Variants in THSD7A observed in about 807,000 individuals in gnomAD.
The protein encoded by THSD7A is thrombospondin type 1 domain containing 7A, also known as thrombospondin type-1 domain-containing protein 7A.
In THSD7A, 96 loss-of-function variants were observed where a neutral mutation model predicts 231.3. The ratio of observed to expected loss-of-function variants is 0.41; its 90% CI spans 0.35 to 0.49. THSD7A has a LOEUF of 0.49. Ranked by LOEUF, THSD7A falls within the 20% of genes least tolerant of loss-of-function variation. THSD7A has a pLI of 0.05. For synonymous variants in THSD7A, 940 were observed against 743.3 expected, an observed-to-expected ratio of 1.26 and a Z score of -4.30; for missense variants, 2,290 against 2,070.2, an observed-to-expected ratio of 1.11 and a Z score of -2.06.
intron 11 of THSD7A, among the ~76,000 whole-genome samples, chr7:11,453,714 C>T (rs1367474927): frequency 1.3e-5 from 2 of 151,982 alleles, no homozygotes; most frequent in East Asian, 1.9e-4. Flanking sequence ...TGTGATATGT[C>T]TACCTTGAAT....
At chr7:11,503,865 C>G (rs532042110) in intron 6 of THSD7A, among the ~76,000 whole-genome samples, 7 of 152,148 alleles carry the variant, frequency 4.6e-5, no homozygotes, top group African/African-American at 1.7e-4. Flanking sequence ...TTGGTAGAAG[C>G]GTAAATTAGT....
intron 1 of THSD7A, among the ~76,000 whole-genome samples, chr7:11,648,814 T>A (rs1478426909): frequency 6.6e-6 from 1 of 152,000 alleles, no homozygotes; most frequent in Non-Finnish European, 1.5e-5. Context: ...CTATCTGAAA[T>A]ATATCTTATG....
intron 1 of THSD7A, among the ~76,000 whole-genome samples, chr7:11,668,459 GAA>G (rs1783237345): frequency 5.2e-5 from 2 of 38,108 alleles, no homozygotes; most frequent in Admixed American, 3.0e-4. Context: ...GAGAGAGAGA[GAA>G]AGAAAGAAAA....
intron 1 of THSD7A, among the ~76,000 whole-genome samples, chr7:11,765,490 C>A (rs766179506): frequency 6.6e-6 from 1 of 152,092 alleles, no homozygotes; most frequent in Non-Finnish European, 1.5e-5. Context: ...ATGTTTCCTT[C>A]CTTGGAAGTT....
intron 6 of THSD7A, among the ~76,000 whole-genome samples, chr7:11,533,002 T>C (rs998101025): frequency 1.3e-5 from 2 of 152,274 alleles, no homozygotes; most frequent in East Asian, 3.9e-4. Context: ...ACAGGGCTTT[T>C]AAGAATCTTA....
Position 11,683,037 on chromosome 7 carries a change from C to A in THSD7A, c.191-46076G>T, listed in dbSNP as rs544912863. On this transcript the variant is annotated intron_variant, in intron 1 of 27. Transcript: ENST00000423059. ...CTAGGAGGCTGAGGCAGGAGAATCACTTGAACCCAGGGGACGGAATTTGCA... is the reference window on the plus strand; with the variant it reads ...CTAGGAGGCTGAGGCAGGAGAATCAATTGAACCCAGGGGACGGAATTTGCA... Among the ~76,000 whole-genome samples, 10 of 151,092 alleles carry A rather than the reference C, an allele frequency of 6.6e-5. 1 individual carries two copies. The highest frequency in any genetic ancestry group is 2.4e-4 in the African/African-American group (10 of 41,068).
chr7:11,727,671 T>C (rs1462293359), intron 1 of THSD7A, among the ~76,000 whole-genome samples: 1 of 151,970 alleles, frequency 6.6e-6, no homozygotes, highest in Non-Finnish European at 1.5e-5. Context: ...GAAAATATAC[T>C]TAAAAGTACA....
intron 6 of THSD7A, among the ~76,000 whole-genome samples, chr7:11,524,637 G>T (rs182002025): frequency 1.8e-3 from 281 of 152,252 alleles, no homozygotes; most frequent in African/African-American, 6.2e-3. Flanking sequence ...GAGCTCCACA[G>T]GGTCTGAGCT....
chr7:11,594,927 C>T (rs1780305238), intron 2 of THSD7A, among the ~76,000 whole-genome samples: 1 of 152,198 alleles, frequency 6.6e-6, no homozygotes, highest in South Asian at 2.1e-4. Context: ...ACTTGGAATG[C>T]AGACGTGTGG....
intron 1 of THSD7A, among the ~76,000 whole-genome samples, chr7:11,709,034 A>AC (rs1780862508): frequency 6.6e-6 from 1 of 150,818 alleles, no homozygotes; most frequent in Admixed American, 6.6e-5. Context: ...TTATTTTGAA[A>AC]CATGACTCAC....
rs1782082991 is a variant in THSD7A, at chr7:11,372,236, G to A, written c.*3558C>T. 6.6e-6 allele frequency: 1 copy of A among 151,840 alleles called. No individual in the cohort carries two copies. Among genetic ancestry groups the A allele is most frequent in the African/African-American group, 2.4e-5 (1 of 41,356 alleles). 9.4% of individuals were successfully genotyped at this position (151,840 alleles called of 1,614,324 possible). A position where few individuals can be genotyped will look rare whatever the true frequency, so the allele number is the denominator to read the frequency against. ...CTAACCCCATCTAAAAACAAACCTA[G>A]AGTAAAAGTCAACATGTTTCAGTGC... On this transcript the variant is annotated 3_prime_UTR_variant, in exon 28 of 28. Coordinates refer to ENST00000423059, the MANE Select transcript of THSD7A (RefSeq NM_015204.3).
intron 1 of THSD7A, among the ~76,000 whole-genome samples, chr7:11,745,901 T>C (rs1198250051): frequency 6.6e-6 from 1 of 152,142 alleles, no homozygotes; most frequent in African/African-American, 2.4e-5. Context: ...TTTGTTCTTT[T>C]GGCTTAGGAT....
chr7:11,422,006 C>G (rs928721562), intron 16 of THSD7A, among the ~76,000 whole-genome samples: 1 of 152,162 alleles, frequency 6.6e-6, no homozygotes, highest in Non-Finnish European at 1.5e-5. Context: ...TGGCCTTTCT[C>G]CTTTCTAAGG....
chr7:11,592,860 T>A (rs1044843714), intron 3 of THSD7A, among the ~76,000 whole-genome samples: 1 of 151,022 alleles, frequency 6.6e-6, no homozygotes, highest in African/African-American at 2.4e-5. Flanking sequence ...ACCTGCCACC[T>A]TTTTTTTTAT....
intron 1 of THSD7A, among the ~76,000 whole-genome samples, chr7:11,777,640 G>C (rs1717341235): frequency 6.6e-6 from 1 of 152,104 alleles, no homozygotes; most frequent in African/African-American, 2.4e-5. Flanking sequence ...CCTATTGTTT[G>C]TCTAAGATAG....
chr7:11,738,588 C>A (rs1033631834), intron 1 of THSD7A, among the ~76,000 whole-genome samples: 1 of 151,944 alleles, frequency 6.6e-6, no homozygotes, highest in Non-Finnish European at 1.5e-5. Context: ...GCCTCAGAGT[C>A]CTCGCTCTAA....
intron 4 of THSD7A, among the ~76,000 whole-genome samples, chr7:11,566,065 G>T (rs1258669943): frequency 6.6e-6 from 1 of 152,128 alleles, no homozygotes; most frequent in African/African-American, 2.4e-5. Flanking sequence ...TAGCAGTAAG[G>T]CTTCTGGGAT....
chr7:11,643,197 G>T (rs1403590959), intron 1 of THSD7A, among the ~76,000 whole-genome samples: 2 of 151,944 alleles, frequency 1.3e-5, no homozygotes, highest in African/African-American at 2.4e-5. Flanking sequence ...TTCTGGATTT[G>T]GTTATGGAAC....
At chr7:11,754,318 T>A (rs748384120) in intron 1 of THSD7A, among the ~76,000 whole-genome samples, 1 of 152,028 alleles carries the variant, frequency 6.6e-6, no homozygotes, top group Non-Finnish European at 1.5e-5. Context: ...GTTATGATTG[T>A]ACAAAGTTCT....
Sources: gnomAD v4.1 joint callset for allele counts (sites outside exome capture counted in the v4.1 genomes callset) on GRCh38, gnomAD v4.1.1 for gene constraint, MANE v1.5 for transcripts, NCBI Gene and HGNC (gene_info 2026-07-23, HGNC 2026-07-21) for gene names.